The following TMPRSS6 variants were observed in gnomAD, a reference collection of about 807,000 sequenced individuals.
TMPRSS6 encodes transmembrane serine protease 6.
A neutral mutation model predicts 101.5 loss-of-function variants in TMPRSS6; 67 were observed. That is an observed-to-expected ratio of 0.66 (90% CI 0.54 to 0.81). The LOEUF (loss-of-function observed/expected upper bound fraction) is 0.81, where lower values mean the gene tolerates loss of function less well. Ranked by LOEUF, TMPRSS6 falls within the 30% of genes least tolerant of loss-of-function variation. TMPRSS6 has a pLI of 0.00. For missense variants in TMPRSS6, 1,034 were observed against 1,088.7 expected, an observed-to-expected ratio of 0.95 and a Z score of 0.71; for synonymous variants, 453 against 464.9, an observed-to-expected ratio of 0.97 and a Z score of 0.33.
chr22:37,085,643 G>T (rs942947435), intron 8 of TMPRSS6, among the ~76,000 whole-genome samples: 9 of 152,148 alleles, frequency 5.9e-5, no homozygotes, highest in Non-Finnish European at 1.2e-4. Context: ...GCTGTCCCAT[G>T]CGGGGTGGGA....
chr22:37,095,260 T>G (rs563176588), intron 6 of TMPRSS6, among the ~76,000 whole-genome samples: 32 of 152,262 alleles, frequency 2.1e-4, no homozygotes, highest in Non-Finnish European at 4.4e-4. Context: ...GAGAGTCACG[T>G]TCGTGGACCA....
chr22:37,070,357 A>G, intron 15 of TMPRSS6, 127 bp downstream of exon 15: 2 of 1,253,420 alleles, frequency 1.6e-6, no homozygotes, highest in Non-Finnish European at 2.3e-6. Context: ...CTCACATCAC[A>G]GTAGCCTGTC....
chr22:37,078,943 GAGAAGGAGAAAAAGAGAAAGAAAGAA>G (rs151050252), intron 10 of TMPRSS6, among the ~76,000 whole-genome samples: 3,040 of 124,454 alleles, frequency 0.024, 64 homozygotes, highest in Non-Finnish European at 0.034. Flanking sequence ...GAAGGAGAAG[GAGAAGGAGAAAAAGAGAAAGAAAGAA>G]AGAAAAAGAA....
chr22:37,089,461 A>T (rs1454905304), intron 7 of TMPRSS6, 117 bp downstream of exon 7: 9 of 1,003,362 alleles, frequency 9.0e-6, no homozygotes, highest in Non-Finnish European at 1.3e-5. Context: ...TCTCCCAGAT[A>T]CCCAGGCCCA....
At chr22:37,078,409 G>A (rs1257360279) in intron 10 of TMPRSS6, among the ~76,000 whole-genome samples, 1 of 152,170 alleles carries the variant, frequency 6.6e-6, no homozygotes, top group East Asian at 1.9e-4. Context: ...CCTTTCCCCA[G>A]GGCCTCACCG....
intron 13 of TMPRSS6, among the ~76,000 whole-genome samples, chr22:37,072,675 TG>T (rs1396534494): frequency 7.9e-5 from 10 of 127,002 alleles, no homozygotes; most frequent in African/African-American, 4.0e-4. Flanking sequence ...GATGGATGGA[TG>T]GATGATGGAT....
Position 37,086,274 on chromosome 22 carries a change from A to T in TMPRSS6, c.973+9T>A. ...CCCTCCCCTGCCCCAGGGACCCCTGACCTCTCACCCTGGAAGACCACCGGC... is the reference window on the plus strand; with the variant it reads ...CCCTCCCCTGCCCCAGGGACCCCTGTCCTCTCACCCTGGAAGACCACCGGC... On this transcript the variant is annotated intron_variant, in intron 8 of 17. Coordinates refer to ENST00000676104, the MANE Select transcript of TMPRSS6 (RefSeq NM_001374504.1). 1.2e-6 allele frequency: 2 copies of T among 1,613,476 alleles called. No homozygotes were observed. Among genetic ancestry groups the T allele is most frequent in the Non-Finnish European group, 1.7e-6 (2 of 1,179,820 alleles).
chr22:37,100,884 G>A (rs904060779), intron 2 of TMPRSS6, among the ~76,000 whole-genome samples: 5 of 152,234 alleles, frequency 3.3e-5, no homozygotes, highest in Admixed American at 2.0e-4. Flanking sequence ...GAAAGGACCC[G>A]GTGGCGGCCC....
chr22:37,087,835 C>T (rs555319594), intron 7 of TMPRSS6, among the ~76,000 whole-genome samples: 19 of 152,192 alleles, frequency 1.2e-4, no homozygotes, highest in African/African-American at 1.9e-4. Context: ...ATTTACCTAG[C>T]GGCAGAGCCC....
Position 37,066,826 on chromosome 22 carries a change from C to T in TMPRSS6, c.2250G>A (p.Gln750=), listed in dbSNP as rs944695249. 3 of 1,614,206 alleles carry T rather than the reference C, an allele frequency of 1.9e-6. No individual in the cohort carries two copies. In the East Asian group the frequency reaches 6.7e-5, roughly 36 times the overall value. The stretch of plus-strand genomic sequence containing the variant: ...TCCCTCCCATGCCCGGGGGACTCAC[C>T]TGACAGGCATCCTTCTTGCCCTTGC... ...GYRKGKKDAC[Q]GDSGGPLVCK... The change falls in exon 17 of 18, where the codon CAG becomes CAA. Residue 750 remains glutamine (Q), a splice_region_variant and synonymous_variant. Transcript: ENST00000676104.
chr22:37,073,511 A>G, intron 13 of TMPRSS6, 21 bp downstream of exon 13: 1 of 1,563,070 alleles, frequency 6.4e-7, no homozygotes, highest in Non-Finnish European at 8.8e-7. Context: ...CCCTCCAGAC[A>G]CTCGGCTAGG....
rs778160316 is a variant in TMPRSS6 at position 37,070,918 on chromosome 22, C to T, written c.1670G>A (p.Cys557Tyr). The change falls in exon 14 of 18, where the codon TGT (cysteine) becomes TAT (tyrosine). Residue 557 changes from cysteine (C) to tyrosine (Y), a missense_variant and splice_region_variant. Cys to Tyr is a radical substitution (Grantham distance 194, BLOSUM62 -2). Coordinates refer to ENST00000676104, the MANE Select transcript of TMPRSS6 (RefSeq NM_001374504.1). Reference protein sequence around the residue: ...DCRDGSDEEHCDCGLQGPSSR... With the variant: ...DCRDGSDEEHYDCGLQGPSSR... ...CCCGGCAGCCAGGCAGGGCTCACCA[C>T]AGTGCTCCTCATCCGAGCCGTCCCT... The T allele has an allele frequency of 6.2e-7, 1 of 1,613,062 alleles. No homozygotes were observed.
chr22:37,070,778 C>T, intron 14 of TMPRSS6, 126 bp from the exon 15 acceptor site: 1 of 1,313,106 alleles, frequency 7.6e-7, no homozygotes, highest in Non-Finnish European at 1.1e-6. Context: ...GGGGAGAGAC[C>T]ATCAGGACCC....
chr22:37,067,200 G>T (rs1926385238), intron 16 of TMPRSS6, among the ~76,000 whole-genome samples: 2 of 152,216 alleles, frequency 1.3e-5, no homozygotes, highest in Non-Finnish European at 2.9e-5. Flanking sequence ...GCCGGGCACG[G>T]TGGCTCATGC....
chr22:37,099,816 G>C (rs1349655414), intron 2 of TMPRSS6, among the ~76,000 whole-genome samples: 3 of 152,166 alleles, frequency 2.0e-5, no homozygotes. Context: ...TGTTTCAGGA[G>C]CAGCAAAGAG....
chr22:37,068,066 C>A (rs1023177885), intron 16 of TMPRSS6, among the ~76,000 whole-genome samples: 3 of 152,244 alleles, frequency 2.0e-5, no homozygotes, highest in African/African-American at 4.8e-5. Flanking sequence ...CTGACCCTAG[C>A]TGGGCAGGAG....
chr22:37,077,694 T>C (rs1927791807), intron 10 of TMPRSS6, among the ~76,000 whole-genome samples: 1 of 152,246 alleles, frequency 6.6e-6, no homozygotes, highest in Non-Finnish European at 1.5e-5. Context: ...TAAATGTTTT[T>C]ACTTTTGGAG....
chr22:37,067,113 G>A, intron 16 of TMPRSS6, 151 bp from the exon 17 acceptor site: 1 of 1,165,300 alleles, frequency 8.6e-7, no homozygotes, highest in Non-Finnish European at 1.2e-6. Context: ...CTGCCCCTCT[G>A]CCTCCCTGTC....
chr22:37,075,030 T>C (rs1927495347), intron 11 of TMPRSS6, 105 bp downstream of exon 11: 2 of 1,570,164 alleles, frequency 1.3e-6, no homozygotes. Context: ...CTCTCTCCTT[T>C]TGTTCAGCCT....
Sources: allele counts gnomAD v4.1 joint callset (sites outside exome capture counted in the v4.1 genomes callset), GRCh38; gene constraint gnomAD v4.1.1; transcripts MANE v1.5; gene names NCBI Gene and HGNC (gene_info 2026-07-23, HGNC 2026-07-21).